The following PCSK2 variants were observed in gnomAD, a reference collection of about 807,000 sequenced individuals.
The protein encoded by PCSK2 is proprotein convertase subtilisin/kexin type 2.
PCSK2 carries 14 observed loss-of-function variants against 69.7 expected under a neutral mutation model. That is an observed-to-expected ratio of 0.20 (90% CI 0.13 to 0.31). The LOEUF is 0.31. Among genes scored for constraint, PCSK2 ranks in the 10% least tolerant of loss-of-function variants. The probability of loss-of-function intolerance (pLI) is 1.00; values close to 1 mark genes in which losing one functional copy is unlikely to be tolerated. For synonymous variants in PCSK2, 307 were observed against 320.7 expected (o/e 0.96, Z 0.46); for missense variants, 544 against 842.5 (o/e 0.65, Z 4.39).
chr20:17,260,218 A>G (rs746944300), intron 1 of PCSK2, 22 bp from the exon 2 acceptor site: 5 of 1,508,270 alleles, frequency 3.3e-6, no homozygotes, highest in Non-Finnish European at 4.6e-6. Flanking sequence ...AACTATGCCT[A>G]TGTCTACTTG....
intron 5 of PCSK2, among the ~76,000 whole-genome samples, chr20:17,402,672 A>AG (rs1341523049): frequency 6.8e-6 from 1 of 146,020 alleles, no homozygotes; most frequent in East Asian, 2.1e-4. Flanking sequence ...AAAAAAAAAA[A>AG]AAAAAGGCAT....
At chr20:17,343,270 T>G (rs920585809) in intron 2 of PCSK2, among the ~76,000 whole-genome samples, 15 of 152,194 alleles carry the variant, frequency 9.9e-5, no homozygotes, top group African/African-American at 3.6e-4. Flanking sequence ...CCAAAACATC[T>G]GATAGTTAAA....
At position 17,253,674 on chromosome 20, in the gene PCSK2, A is replaced by T. The variant is rs546495916; in HGVS notation, c.178-6566A>T. Among the ~76,000 whole-genome samples the T allele has an allele frequency of 2.0e-5, 3 of 152,218 alleles. No individual in the cohort carries two copies. In the South Asian group the frequency reaches 6.2e-4, roughly 32 times the overall value. ...GAATAATGTTGCTATAAACATTTGTATACAAGAATTTGTGTAAATGTATGT... is the reference window on the plus strand; with the variant it reads ...GAATAATGTTGCTATAAACATTTGTTTACAAGAATTTGTGTAAATGTATGT... On this transcript the variant is annotated intron_variant, in intron 1 of 11. Coordinates refer to ENST00000262545, the MANE Select transcript of PCSK2 (RefSeq NM_002594.5).
chr20:17,442,066 G>C (rs2032610180), intron 8 of PCSK2, among the ~76,000 whole-genome samples: 1 of 151,008 alleles, frequency 6.6e-6, no homozygotes. Context: ...TAGGCATACA[G>C]GGAGAACAGC....
At chr20:17,381,551 G>A (rs908321444) in intron 5 of PCSK2, among the ~76,000 whole-genome samples, 2 of 152,102 alleles carry the variant, frequency 1.3e-5, no homozygotes, top group Admixed American at 6.6e-5. Flanking sequence ...TGCGTTGTTT[G>A]ATCTTTATGG....
In PCSK2 at chr20:17,293,908, C is replaced by G. The variant is rs542836098; in HGVS notation, c.282+33564C>G. ...ATGCCTCTTGATGGTCAATGTAACT[C>G]ATTTTTAAAATGGGCTGGTCCAGTC... On this transcript the variant is annotated intron_variant, in intron 2 of 11. Coordinates refer to ENST00000262545, the MANE Select transcript of PCSK2 (RefSeq NM_002594.5). Among the ~76,000 whole-genome samples the G allele has an allele frequency of 2.0e-5, 3 of 152,152 alleles. No homozygotes were observed. In the South Asian group the frequency reaches 6.2e-4, roughly 32 times the overall value.
intron 1 of PCSK2, among the ~76,000 whole-genome samples, chr20:17,235,881 A>C (rs13042978): frequency 0.054 from 8,171 of 152,226 alleles, 275 homozygotes; most frequent in Middle Eastern, 0.16. Flanking sequence ...TGCAATATTC[A>C]TGAATACCGT....
chr20:17,268,060 T>TATATAAAA (rs1395373344), intron 2 of PCSK2, among the ~76,000 whole-genome samples: 4 of 146,172 alleles, frequency 2.7e-5, no homozygotes, highest in African/African-American at 1.0e-4. Context: ...TATATATATA[T>TATATAAAA]ATAATGCATT....
intron 2 of PCSK2, among the ~76,000 whole-genome samples, chr20:17,267,552 G>A (rs867546190): frequency 6.6e-6 from 1 of 152,178 alleles, no homozygotes; most frequent in Non-Finnish European, 1.5e-5. Context: ...GCTGCTGCTG[G>A]TGCTATAATT....
At chr20:17,442,419 C>A (rs1341969008) in intron 8 of PCSK2, among the ~76,000 whole-genome samples, 1 of 152,068 alleles carries the variant, frequency 6.6e-6, no homozygotes, top group East Asian at 1.9e-4. Context: ...CAAACTAATG[C>A]ACCTTCCAGT....
intron 1 of PCSK2, among the ~76,000 whole-genome samples, chr20:17,248,880 G>A (rs1327109284): frequency 6.6e-6 from 1 of 152,092 alleles, no homozygotes; most frequent in African/African-American, 2.4e-5. Flanking sequence ...CGTAGAGTAG[G>A]ACCACCACAC....
At chr20:17,437,917 G>A (rs1008568118) in intron 8 of PCSK2, among the ~76,000 whole-genome samples, 1 of 152,158 alleles carries the variant, frequency 6.6e-6, no homozygotes, top group Non-Finnish European at 1.5e-5. Context: ...CTTGCCACGC[G>A]TGGCACAGCT....
chr20:17,346,854 C>G (rs1209984843), intron 2 of PCSK2, among the ~76,000 whole-genome samples: 2 of 152,160 alleles, frequency 1.3e-5, no homozygotes, highest in Non-Finnish European at 2.9e-5. Flanking sequence ...CATGTTCCAA[C>G]CAATATAGAA....
At chr20:17,318,839 A>G (rs1349783643) in intron 2 of PCSK2, among the ~76,000 whole-genome samples, 1 of 152,190 alleles carries the variant, frequency 6.6e-6, no homozygotes. Context: ...TACATCTGCC[A>G]CTTTAGACAA....
chr20:17,394,633 G>A (rs1029932299), intron 5 of PCSK2, among the ~76,000 whole-genome samples: 8 of 152,156 alleles, frequency 5.3e-5, no homozygotes, highest in African/African-American at 1.2e-4. Context: ...AGTCAGGGAC[G>A]TGTCATCTCC....
In PCSK2 at chr20:17,483,295, G is replaced by C. The variant is rs146406239; in HGVS notation, c.*1225G>C. On this transcript the variant is annotated 3_prime_UTR_variant, in exon 12 of 12. Transcript: ENST00000262545. The stretch of plus-strand genomic sequence containing the variant: ...CCAGAGGAACCTGAGGCCTGAAGGA[G>C]GTGAGAGAAGACCTCTGTGAGGAAA... 2 of 152,154 alleles carry C rather than the reference G, an allele frequency of 1.3e-5. No individual in the cohort carries two copies. Among genetic ancestry groups the C allele is most frequent in the Admixed American group, 6.6e-5 (1 of 15,266 alleles). 9.4% of individuals were successfully genotyped at this position (152,154 alleles called of 1,614,324 possible).
intron 8 of PCSK2, among the ~76,000 whole-genome samples, chr20:17,452,868 A>C (rs1430958798): frequency 6.6e-6 from 1 of 152,262 alleles, no homozygotes; most frequent in Non-Finnish European, 1.5e-5. Flanking sequence ...GATTTTTAAG[A>C]ACCTCTAAGA....
intron 2 of PCSK2, among the ~76,000 whole-genome samples, chr20:17,331,659 T>C (rs1389909055): frequency 6.6e-6 from 1 of 152,088 alleles, no homozygotes. Context: ...ATCTCTCTAC[T>C]GTGAACCACT....
In PCSK2 at chr20:17,453,107, G is replaced by A. The variant is rs2032857098; in HGVS notation, c.886-635G>A. 1.3e-5 allele frequency among the ~76,000 whole-genome samples: 2 copies of A among 151,876 alleles called. No homozygotes were observed. Among genetic ancestry groups the A allele is most frequent in the African/African-American group, 2.4e-5 (1 of 41,330 alleles). On this transcript the variant is annotated intron_variant, in intron 8 of 11. Coordinates refer to ENST00000262545, the MANE Select transcript of PCSK2 (RefSeq NM_002594.5). This position sits in a 1 kb window ranked among gnomAD's most constrained non-coding sequence, Gnocchi z 4.0. ...TTTAAAAGGATTCTAGTATCCAATT[G>A]AATAAAAAAGAATATATACATATGC...
Sources: gnomAD v4.1 joint callset for allele counts (sites outside exome capture counted in the v4.1 genomes callset) on GRCh38, gnomAD v4.1.1 for gene constraint, Gnocchi (gnomAD v3.1) non-coding constraint, MANE v1.5 for transcripts, NCBI Gene and HGNC (gene_info 2026-07-23, HGNC 2026-07-21) for gene names.